Variants in RSPH3 observed in about 807,000 individuals in gnomAD.
The protein encoded by RSPH3 is radial spoke head protein 3 homolog.
In RSPH3, 21 loss-of-function variants were observed where a neutral mutation model predicts 43.8. The observed-to-expected ratio is 0.48, with a 90% CI of 0.34 to 0.69. The LOEUF (loss-of-function observed/expected upper bound fraction) is 0.69, where lower values mean the gene tolerates loss of function less well. Among genes scored for constraint, RSPH3 ranks in the 30% least tolerant of loss-of-function variants. The pLI is 0.01. For missense variants in RSPH3, 487 were observed against 516.0 expected, an observed-to-expected ratio of 0.94 and a Z score of 0.54; for synonymous variants, 173 against 179.8, an observed-to-expected ratio of 0.96 and a Z score of 0.30.
At chr6:158,999,227 T>C (rs1778756895) in intron 1 of RSPH3, among the ~76,000 whole-genome samples, 1 of 152,214 alleles carries the variant, frequency 6.6e-6, no homozygotes, top group South Asian at 2.1e-4. Context: ...CTCATATCAC[T>C]AAAAGTTAAC....
chr6:158,978,550 AT>A (rs1013712407), intron 6 of RSPH3, among the ~76,000 whole-genome samples: 4 of 150,654 alleles, frequency 2.7e-5, no homozygotes, highest in Non-Finnish European at 5.9e-5. Flanking sequence ...TTATTTTTTT[AT>A]TTTTTTTGAG....
intron 2 of RSPH3, chr6:158,988,255 A>G (rs1778297359): frequency 6.6e-6 from 1 of 152,200 alleles, no homozygotes; most frequent in African/African-American, 2.4e-5. Context: ...GTCTGCTGCC[A>G]GATGGATTGG....
At chr6:158,982,745 CA>C in intron 4 of RSPH3, 57 bp from the exon 5 acceptor site, 1 of 1,197,734 alleles carries the variant, frequency 8.3e-7, no homozygotes, top group Non-Finnish European at 1.2e-6. Context: ...AAATGCTCAA[CA>C]AAAATATAAT....
rs770276109 is a variant in RSPH3 at position 158,982,593 on chromosome 6, CTCT to C, written c.585_587del (p.Glu196del). 4.3e-6 allele frequency: 7 copies of C among 1,613,830 alleles called. No individual in the cohort carries two copies. In the South Asian group the frequency reaches 4.4e-5, roughly 10 times the overall value. Reference sequence around the variant, plus strand: ...GCTGACTGGCCCGCAGGTTAGCCAGCTCTTCTTCTTCCATTACTTCCAGAAGAG... The same window carrying C: ...GCTGACTGGCCCGCAGGTTAGCCAGCTCTTCTTCCATTACTTCCAGAAGAG... On this transcript the variant is annotated inframe_deletion, in exon 5 of 8. Coordinates refer to ENST00000367069, the MANE Select transcript of RSPH3 (RefSeq NM_031924.8).
chr6:158,979,936 G>A (rs182494621), intron 6 of RSPH3, among the ~76,000 whole-genome samples: 60 of 152,312 alleles, frequency 3.9e-4, no homozygotes, highest in African/African-American at 1.4e-3. Flanking sequence ...AGAGATCAGG[G>A]ATCCTTCTTT....
downstream of RSPH3, among the ~76,000 whole-genome samples, chr6:158,969,942 T>C (rs748452835): frequency 2.8e-4 from 43 of 152,324 alleles, no homozygotes; most frequent in South Asian, 6.2e-4. Flanking sequence ...CATGGTTTTC[T>C]TTAGTTCTTT....
Position 158,977,438 on chromosome 6 carries a change from A to C in RSPH3, c.*100T>G. 1 of 1,040,974 alleles carries C rather than the reference A, an allele frequency of 9.6e-7. No individual in the cohort carries two copies. Among genetic ancestry groups the C allele is most frequent in the East Asian group, 2.4e-5 (1 of 41,752 alleles). 64.5% of individuals were successfully genotyped at this position (1,040,974 alleles called of 1,614,324 possible). ...TTACACAAAAAGACATACTGACTAA[A>C]TACAACATAATTTCTATAACCTGAG... On this transcript the variant is annotated 3_prime_UTR_variant, in exon 8 of 8. Coordinates refer to ENST00000367069, the MANE Select transcript of RSPH3 (RefSeq NM_031924.8).
At chr6:158,964,671 C>T in the RSPH3 span, among the ~76,000 whole-genome samples, 1 of 152,068 alleles carries the variant, frequency 6.6e-6, no homozygotes, top group Non-Finnish European at 1.5e-5. Context: ...AATAGGTTGT[C>T]ATTTTATTGT....
intron 1 of RSPH3, among the ~76,000 whole-genome samples, chr6:158,998,845 G>A (rs1778729162): frequency 6.6e-6 from 1 of 152,044 alleles, no homozygotes. Context: ...AGTCCAGCCT[G>A]GGCGACAAGA....
At position 158,977,803 on chromosome 6, in the gene RSPH3, T is replaced by G. The variant is rs78116655; in HGVS notation, c.992A>C (p.His331Pro). 1.5e-3 allele frequency: 2,462 copies of G among 1,614,150 alleles called. 40 individuals carry two copies. The African/African-American group carries it at 0.029, about 19-fold the overall frequency. Reference sequence around the variant, plus strand: ...TGGAGACTGATGTGTGTCTTCCCCATGCTCATACATACACAGCCTCTTTTC... The same window carrying G: ...TGGAGACTGATGTGTGTCTTCCCCAGGCTCATACATACACAGCCTCTTTTC... ...VVEKRLCMYE[H>P]GEDTHQSPEP... Residue 331 changes from histidine to proline, a missense_variant, in exon 8 of 8, where the codon CAT becomes CCT. His to Pro is a moderately conservative substitution (Grantham distance 77, BLOSUM62 -2). Transcript: ENST00000367069.
Position 158,983,782 on chromosome 6 carries a change from A to G in RSPH3, c.372T>C (p.Asp124=). Residue 124 remains aspartate (D), a synonymous_variant, in exon 4 of 8, where the codon GAT becomes GAC. Transcript: ENST00000367069. ...QTELYLEEIA[D]RIIEVDMECQ... ...ATTCCATATCAACTTCTATTATGCG[A>G]TCAGCAATTTCTTCAAGGTATAATT... The G allele has an allele frequency of 6.2e-7, 1 of 1,604,140 alleles. No individual in the cohort carries two copies. Among genetic ancestry groups the G allele is most frequent in the Non-Finnish European group, 8.5e-7 (1 of 1,171,040 alleles).
chr6:158,998,475 A>AT (rs1778695817), intron 1 of RSPH3, among the ~76,000 whole-genome samples: 1 of 144,552 alleles, frequency 6.9e-6, no homozygotes, highest in African/African-American at 2.5e-5. Flanking sequence ...TCTCAAAAAA[A>AT]AAAAAAGAAA....
At chr6:158,967,828 C>CAAAAA in the RSPH3 span, among the ~76,000 whole-genome samples, 420 of 152,174 alleles carry the variant, frequency 2.8e-3, 4 homozygotes, top group Non-Finnish European at 4.5e-3. Context: ...AAATACATTT[C>CAAAAA]TTCACCTCTT....
In RSPH3 at chr6:158,977,798, C is replaced by T. The variant is rs1393564730; in HGVS notation, c.997G>A (p.Glu333Lys). Residue 333 changes from glutamate to lysine, a missense_variant, in exon 8 of 8, where the codon GAA (glutamate) becomes AAA (lysine). By Grantham distance (56) the Glu-to-Lys change is moderately conservative (BLOSUM62 1). Coordinates refer to ENST00000367069, the MANE Select transcript of RSPH3 (RefSeq NM_031924.8). ...EKRLCMYEHGEDTHQSPEPED... is the reference protein window; with the variant it reads ...EKRLCMYEHGKDTHQSPEPED... The stretch of plus-strand genomic sequence containing the variant: ...GGTTCTGGAGACTGATGTGTGTCTT[C>T]CCCATGCTCATACATACACAGCCTC... 3.1e-6 allele frequency: 5 copies of T among 1,613,980 alleles called. No individual in the cohort carries two copies. The highest frequency in any genetic ancestry group is 1.3e-5 in the African/African-American group (1 of 74,916).
chr6:158,977,576 C>T lies in RSPH3; in HGVS notation c.1219G>A (p.Ala407Thr), dbSNP rs764221184. Reference sequence around the variant, plus strand: ...TCCTCCCCTAAGGACTTCCTCATTGCTGTTTCTTCATCTTGCCCTAAGAGT... The same window carrying T: ...TCCTCCCCTAAGGACTTCCTCATTGTTGTTTCTTCATCTTGCCCTAAGAGT... ...RELLGQDEET[A>T]MRKSLGEEEL... Residue 407 changes from alanine to threonine, a missense_variant, in exon 8 of 8, where the codon GCA (alanine) becomes ACA (threonine). Ala to Thr is a moderately conservative substitution (Grantham distance 58). Transcript: ENST00000367069. 5.1e-5 allele frequency: 82 copies of T among 1,613,512 alleles called. No individual in the cohort carries two copies. The highest frequency in any genetic ancestry group is 6.6e-5 in the Non-Finnish European group (78 of 1,179,944).
rs1778503391 is a variant in RSPH3 at position 158,993,861 on chromosome 6, T to C, written c.182A>G (p.Tyr61Cys). Residue 61 changes from tyrosine (Y) to cysteine (C), a missense_variant, in exon 2 of 8, where the codon TAT becomes TGT. Transcript: ENST00000367069. ...TACCAGTGGCCCTGTCTGGAGTGCA[T>C]AAGTGTTACCTCGAATTACCCTTCT... ...YDRRVIRGNT[Y>C]ALQTGPLLGR... is the part of the protein sequence containing the mutation. 6.2e-7 allele frequency: 1 copy of C among 1,608,500 alleles called. No homozygotes were observed. The highest frequency in any genetic ancestry group is 8.5e-7 in the Non-Finnish European group (1 of 1,175,078).
the RSPH3 span, among the ~76,000 whole-genome samples, chr6:158,966,828 C>G: frequency 6.6e-6 from 1 of 151,472 alleles, no homozygotes; most frequent in Non-Finnish European, 1.5e-5. Flanking sequence ...TTTATTTCTG[C>G]TCTAATCTTT....
chr6:158,968,935 T>C (rs533827002), downstream of RSPH3, among the ~76,000 whole-genome samples: 1 of 152,316 alleles, frequency 6.6e-6, no homozygotes, highest in South Asian at 2.1e-4. Flanking sequence ...GGTCTCAATC[T>C]CATGACCTTG....
chr6:158,977,661 T>G lies in RSPH3; in HGVS notation c.1134A>C (p.Leu378=). The change falls in exon 8 of 8, where the codon CTA becomes CTC. Residue 378 remains leucine (L), a synonymous_variant. Transcript: ENST00000367069. ...ACCTTCTGTCATATGTTGTTCTTTG[T>G]AGGTAGCCTCCATCTAAAAGCAGCT... The part of the protein sequence containing the change: ...TRELLLDGGY[L]QRTTYDRRSS... The G allele has an allele frequency of 6.2e-7, 1 of 1,614,188 alleles. No homozygotes were observed. Among genetic ancestry groups the G allele is most frequent in the Non-Finnish European group, 8.5e-7 (1 of 1,180,028 alleles).
Sources: gnomAD v4.1 joint callset for allele counts (sites outside exome capture counted in the v4.1 genomes callset) on GRCh38, gnomAD v4.1.1 for gene constraint, MANE v1.5 for transcripts, NCBI Gene and HGNC (gene_info 2026-07-23, HGNC 2026-07-21) for gene names.